The following KITLG variants were observed in gnomAD, a reference collection of about 807,000 sequenced individuals.
The protein encoded by KITLG is c-Kit ligand.
A neutral mutation model predicts 34.1 loss-of-function variants in KITLG; 13 were observed. The ratio of observed to expected loss-of-function variants is 0.38; its 90% CI spans 0.25 to 0.61. The LOEUF is 0.61. Ranked by LOEUF, KITLG falls within the 20% of genes least tolerant of loss-of-function variation. The pLI is 0.60. For missense variants in KITLG, 292 were observed against 318.9 expected, an observed-to-expected ratio of 0.92 and a Z score of 0.64; for synonymous variants, 110 against 104.0, an observed-to-expected ratio of 1.06 and a Z score of -0.35.
intron 1 of KITLG, chr12:88,546,102 T>C (rs924866265): frequency 3.0e-5 from 18 of 592,850 alleles, no homozygotes; most frequent in Non-Finnish European, 5.3e-5. Flanking sequence ...TGTTAAAAAC[T>C]TTCTTCAGCC....
In KITLG at chr12:88,495,549, T is replaced by C. The variant is rs1480885476; in HGVS notation, c.*1670A>G. 1 of 152,522 alleles carries C rather than the reference T, an allele frequency of 6.6e-6. No homozygotes were observed. Among genetic ancestry groups the C allele is most frequent in the Non-Finnish European group, 1.5e-5 (1 of 67,992 alleles). The allele number at this position is 152,522 out of a possible 1,614,324, so 9.4% of individuals were successfully genotyped here. ...AGCATGTTAGAGAAGAAAGGGACTGTAGGAATCATCTGGGCTCTTTGGTAC... is the reference window on the plus strand; with the variant it reads ...AGCATGTTAGAGAAGAAAGGGACTGCAGGAATCATCTGGGCTCTTTGGTAC... On this transcript the variant is annotated 3_prime_UTR_variant, in exon 10 of 10. Coordinates refer to ENST00000644744, the MANE Select transcript of KITLG (RefSeq NM_000899.5).
intron 3 of KITLG, among the ~76,000 whole-genome samples, chr12:88,530,387 A>C (rs1870041824): frequency 6.6e-6 from 1 of 152,174 alleles, no homozygotes; most frequent in African/African-American, 2.4e-5. Flanking sequence ...TAAAATAGGA[A>C]TCATAATAGC....
chr12:88,550,022 C>T (rs115715018), intron 1 of KITLG, among the ~76,000 whole-genome samples: 3,892 of 152,190 alleles, frequency 0.026, 78 homozygotes, highest in Admixed American at 0.033. Flanking sequence ...GGTTTGGCAA[C>T]ATTAAGGTCA....
In KITLG at chr12:88,561,539, T is replaced by C. The variant is rs570126452; in HGVS notation, c.16-15674A>G. ...TGGAAGATTACAGGGATCCTCTAAA[T>C]AGCCTTCTTTGCTTTCAGACTTATT... On this transcript the variant is annotated intron_variant, in intron 1 of 9. Coordinates refer to ENST00000644744, the MANE Select transcript of KITLG (RefSeq NM_000899.5). 9.2e-5 allele frequency among the ~76,000 whole-genome samples: 14 copies of C among 152,332 alleles called. No homozygotes were observed. The South Asian group carries it at 2.1e-3, about 23-fold the overall frequency.
At chr12:88,557,115 A>T (rs1377518842) in intron 1 of KITLG, among the ~76,000 whole-genome samples, 2 of 152,182 alleles carry the variant, frequency 1.3e-5, no homozygotes, top group Admixed American at 6.5e-5. Flanking sequence ...GTAGAAGGGA[A>T]CACACAGCCC....
chr12:88,569,052 A>G (rs575586649), intron 1 of KITLG, among the ~76,000 whole-genome samples: 2 of 152,278 alleles, frequency 1.3e-5, no homozygotes, highest in African/African-American at 4.8e-5. Context: ...CTATATTTCT[A>G]TGGATGCTGA....
chr12:88,546,166 C>A (rs1870713324), intron 1 of KITLG: 1 of 429,640 alleles, frequency 2.3e-6, no homozygotes. Flanking sequence ...AAAGACTTAG[C>A]CCTTAGGGTA....
At chr12:88,511,374 C>T (rs1869271030) in intron 6 of KITLG, among the ~76,000 whole-genome samples, 1 of 152,142 alleles carries the variant, frequency 6.6e-6, no homozygotes, top group Non-Finnish European at 1.5e-5. Flanking sequence ...CTCATGTTTG[C>T]CCTGGTTTTC....
chr12:88,576,432 G>A (rs1333616446), intron 1 of KITLG, among the ~76,000 whole-genome samples: 1 of 152,068 alleles, frequency 6.6e-6, no homozygotes, highest in Non-Finnish European at 1.5e-5. Flanking sequence ...TGTAAAAGTA[G>A]GCCAGCAGGC....
intron 1 of KITLG, among the ~76,000 whole-genome samples, chr12:88,562,355 T>A (rs1020907526): frequency 6.6e-6 from 1 of 152,246 alleles, no homozygotes; most frequent in African/African-American, 2.4e-5. Context: ...CCTCAGCAGC[T>A]GGTTTCCATA....
intron 1 of KITLG, among the ~76,000 whole-genome samples, chr12:88,551,588 G>C (rs1319478890): frequency 6.6e-6 from 1 of 152,088 alleles, no homozygotes; most frequent in Non-Finnish European, 1.5e-5. Context: ...TTTATTTTAG[G>C]TTTCATTTGT....
At chr12:88,529,086 T>C (rs928667418) in intron 3 of KITLG, among the ~76,000 whole-genome samples, 9 of 152,164 alleles carry the variant, frequency 5.9e-5, no homozygotes, top group Non-Finnish European at 1.2e-4. Context: ...CACTGTATGG[T>C]TGCATCAAAA....
intron 1 of KITLG, among the ~76,000 whole-genome samples, chr12:88,570,673 C>T (rs1430317771): frequency 6.6e-6 from 1 of 152,094 alleles, no homozygotes; most frequent in Non-Finnish European, 1.5e-5. Context: ...AATACAAACT[C>T]TTCCACTTGC....
chr12:88,512,405 A>T (rs1399421615), intron 6 of KITLG, among the ~76,000 whole-genome samples: 1 of 152,100 alleles, frequency 6.6e-6, no homozygotes, highest in Admixed American at 6.6e-5. Context: ...GACCTATGAC[A>T]CACTAGCAAT....
intron 1 of KITLG, among the ~76,000 whole-genome samples, chr12:88,550,445 A>G (rs532016052): frequency 1.3e-5 from 2 of 152,308 alleles, no homozygotes; most frequent in East Asian, 3.9e-4. Flanking sequence ...AGGTAGTTCA[A>G]TGCTATCAGG....
In KITLG at chr12:88,546,171, AG is replaced by A. The variant is rs578221402; in HGVS notation, c.16-307del. On this transcript the variant is annotated intron_variant, in intron 1 of 9. Coordinates refer to ENST00000644744, the MANE Select transcript of KITLG (RefSeq NM_000899.5). ...GCAGCATGTTAAAGACTTAGCCCTT[AG>A]GGTATCTTCTAAAAACTAGAGAATG... 9.2e-4 allele frequency: 389 copies of A among 422,730 alleles called. 6 individuals are homozygous for A. The highest frequency in any genetic ancestry group is 7.6e-3 in the South Asian group (377 of 49,426). 26.2% of individuals were successfully genotyped at this position (422,730 alleles called of 1,614,324 possible).
In KITLG at chr12:88,497,166, A is replaced by T; in HGVS notation, c.*53T>A. On this transcript the variant is annotated 3_prime_UTR_variant, in exon 10 of 10. Coordinates refer to ENST00000644744, the MANE Select transcript of KITLG (RefSeq NM_000899.5). ...AAGCTGCTTCATTTATGAAGCAAACATGAACTGTTACCAGCCTAGAAAGGA... is the reference window on the plus strand; with the variant it reads ...AAGCTGCTTCATTTATGAAGCAAACTTGAACTGTTACCAGCCTAGAAAGGA... 2.2e-6 allele frequency: 1 copy of T among 450,086 alleles called. No individual in the cohort carries two copies. The highest frequency in any genetic ancestry group is 4.5e-6 in the Non-Finnish European group (1 of 223,966). 27.9% of individuals were successfully genotyped at this position (450,086 alleles called of 1,614,324 possible).
At chr12:88,537,982 A>C (rs1870389437) in intron 2 of KITLG, among the ~76,000 whole-genome samples, 1 of 152,182 alleles carries the variant, frequency 6.6e-6, no homozygotes, top group Non-Finnish European at 1.5e-5. Context: ...TGGGCAAGTC[A>C]CTTCATCTAC....
intron 2 of KITLG, among the ~76,000 whole-genome samples, chr12:88,540,252 A>T (rs187759423): frequency 1.0e-3 from 153 of 152,212 alleles, no homozygotes; most frequent in African/African-American, 3.5e-3. Flanking sequence ...TTACATCTTA[A>T]ACTACTGGGA....
Sources: gnomAD v4.1 joint callset for allele counts (sites outside exome capture counted in the v4.1 genomes callset) on GRCh38, gnomAD v4.1.1 for gene constraint, MANE v1.5 for transcripts, NCBI Gene and HGNC (gene_info 2026-07-23, HGNC 2026-07-21) for gene names.